ACTR1A: variants seen among roughly 807,000 people sequenced by gnomAD.
ACTR1A encodes actin related protein 1A.
A neutral mutation model predicts 50.7 loss-of-function variants in ACTR1A; 10 were observed. That is an observed-to-expected ratio of 0.20 (90% confidence interval 0.12 to 0.33). The LOEUF is 0.33. Among genes scored for constraint, ACTR1A ranks in the 10% least tolerant of loss-of-function variants. The pLI is 1.00. For missense variants in ACTR1A, 253 were observed against 491.7 expected (o/e 0.51, Z 4.59); for synonymous variants, 177 against 184.2 (o/e 0.96, Z 0.32).
At chr10:102,490,801 T>C (rs2062188431) in intron 1 of ACTR1A, among the ~76,000 whole-genome samples, 188 bp from the exon 2 acceptor site, 1 of 152,160 alleles carries the variant, frequency 6.6e-6, no homozygotes, top group African/African-American at 2.4e-5. Flanking sequence ...GAGACCAGCC[T>C]AGCCACCATG....
At chr10:102,487,233 T>C (rs1324268081) in intron 4 of ACTR1A, among the ~76,000 whole-genome samples, 1 of 152,124 alleles carries the variant, frequency 6.6e-6, no homozygotes, top group Non-Finnish European at 1.5e-5. Context: ...CTGGGCAACA[T>C]GGCAAAACCT....
chr10:102,479,393 C>A lies in ACTR1A; in HGVS notation c.*1470G>T. The stretch of plus-strand genomic sequence containing the variant: ...GCTACGTTGCTTTCACACATACCTG[C>A]TGCTGTGGCCCACACCTGGCAGGGG... On this transcript the variant is annotated 3_prime_UTR_variant, in exon 11 of 11. Coordinates refer to ENST00000369905, the MANE Select transcript of ACTR1A (RefSeq NM_005736.4). This position sits in a 1 kb window ranked among gnomAD's most constrained non-coding sequence, Gnocchi z 4.0. 2.7e-6 allele frequency: 1 copy of A among 369,898 alleles called. No homozygotes were observed. The highest frequency in any genetic ancestry group is 5.2e-6 in the Non-Finnish European group (1 of 190,992). 22.9% of individuals were successfully genotyped at this position (369,898 alleles called of 1,614,324 possible). A position where few individuals can be genotyped will look rare whatever the true frequency, so the allele number is the denominator to read the frequency against.
At position 102,489,075 on chromosome 10, in the gene ACTR1A, G is replaced by T. The variant is rs372177098; in HGVS notation, c.177C>A (p.Gly59=). 10 of 1,583,202 alleles carry T rather than the reference G, an allele frequency of 6.3e-6. No homozygotes were observed. In the African/African-American group the frequency reaches 1.4e-4, roughly 22 times the overall value. ...GCCTGGGAATTACCTCAGCTTTGGG[G>T]CCAATGAAGATGTCGCCTTCAAGGG... ...AGALEGDIFI[G]PKAEEHRGLL... Residue 59 remains glycine (G), a synonymous_variant, in exon 3 of 11, where the codon GGC becomes GGA. Coordinates refer to ENST00000369905, the MANE Select transcript of ACTR1A (RefSeq NM_005736.4).
In ACTR1A at chr10:102,488,322, G is replaced by T; in HGVS notation, c.190-47C>A. On this transcript the variant is annotated intron_variant, in intron 3 of 10. Transcript: ENST00000369905. The surrounding 1 kb of genome is among the most constrained non-coding windows in gnomAD (Gnocchi z 4.4). ...TACGACTGCAGTCAGGCTCCACCCA[G>T]GACCCTGTTCTCCCAAGACTAAGCA... The T allele has an allele frequency of 6.3e-7, 1 of 1,599,224 alleles. No homozygotes were observed. Among genetic ancestry groups the T allele is most frequent in the South Asian group, 1.1e-5 (1 of 90,778 alleles).
intron 1 of ACTR1A, among the ~76,000 whole-genome samples, chr10:102,501,346 T>G (rs1416894858): frequency 3.3e-5 from 5 of 152,140 alleles, no homozygotes; most frequent in Non-Finnish European, 7.3e-5. Context: ...GAGCTGAAGC[T>G]TAAACGAGAA....
rs539987386 is a variant in ACTR1A at position 102,497,413 on chromosome 10, A to G, written c.48+5187T>C. Reference sequence around the variant, plus strand: ...CACTCCCCTGCCAAACTTAAAATGCATATGCACATAAAATCATGGATGGAT... The same window carrying G: ...CACTCCCCTGCCAAACTTAAAATGCGTATGCACATAAAATCATGGATGGAT... On this transcript the variant is annotated intron_variant, in intron 1 of 10. Coordinates refer to ENST00000369905, the MANE Select transcript of ACTR1A (RefSeq NM_005736.4). Among the ~76,000 whole-genome samples the G allele has an allele frequency of 2.0e-4, 31 of 152,178 alleles. No homozygotes were observed. In the East Asian group the frequency reaches 5.0e-3, roughly 25 times the overall value.
intron 1 of ACTR1A, among the ~76,000 whole-genome samples, chr10:102,493,234 C>T (rs1323311764): frequency 6.6e-6 from 1 of 152,098 alleles, no homozygotes; most frequent in East Asian, 1.9e-4. Flanking sequence ...TGCCTACAAA[C>T]CCAAGGGCTC....
At chr10:102,502,226 G>A (rs945894172) in intron 1 of ACTR1A, among the ~76,000 whole-genome samples, 10 of 152,242 alleles carry the variant, frequency 6.6e-5, no homozygotes, top group Non-Finnish European at 1.2e-4. Context: ...GCCTCATCCG[G>A]CAAGGCTAAG....
intron 1 of ACTR1A, 89 bp downstream of exon 1, chr10:102,502,511 G>C: frequency 6.9e-7 from 1 of 1,454,836 alleles, no homozygotes; most frequent in Middle Eastern, 1.7e-4. Flanking sequence ...CAGTGACAAA[G>C]AGCCGGCGGC....
At position 102,488,014 on chromosome 10, in the gene ACTR1A, A is replaced by T; in HGVS notation, c.315+136T>A. The T allele has an allele frequency of 1.0e-6, 1 of 976,020 alleles. No individual in the cohort carries two copies. 60.5% of individuals were successfully genotyped at this position (976,020 alleles called of 1,614,324 possible). The stretch of plus-strand genomic sequence containing the variant: ...ATCTCATAGGAATGGTGTTAAGATT[A>T]AATCTGAATATGCCTGAAAATCAAA... On this transcript the variant is annotated intron_variant, in intron 4 of 10. Transcript: ENST00000369905. The surrounding 1 kb of genome is among the most constrained non-coding windows in gnomAD (Gnocchi z 4.4).
At chr10:102,492,582 C>T (rs1391010823) in intron 1 of ACTR1A, among the ~76,000 whole-genome samples, 1 of 152,218 alleles carries the variant, frequency 6.6e-6, no homozygotes, top group Non-Finnish European at 1.5e-5. Flanking sequence ...GCACCAAAGG[C>T]TTCCCAGCAA....
chr10:102,482,303 G>C lies in ACTR1A; in HGVS notation c.751-128C>G. 1.2e-6 allele frequency: 1 copy of C among 827,278 alleles called. No individual in the cohort carries two copies. Among genetic ancestry groups the C allele is most frequent in the South Asian group, 1.6e-5 (1 of 61,438 alleles). 51.2% of individuals were successfully genotyped at this position (827,278 alleles called of 1,614,324 possible). A position where few individuals can be genotyped will look rare whatever the true frequency, so the allele number is the denominator to read the frequency against. On this transcript the variant is annotated intron_variant, in intron 7 of 10. Transcript: ENST00000369905. The surrounding 1 kb of genome is among the most constrained non-coding windows in gnomAD (Gnocchi z 5.6). The stretch of plus-strand genomic sequence containing the variant: ...GGCTATGAAGGCCAGGCTCAAGACA[G>C]ACTCTACATGTCAAGGGCTTAAAGG...
chr10:102,500,104 T>C (rs892885963), intron 1 of ACTR1A, among the ~76,000 whole-genome samples: 3 of 152,244 alleles, frequency 2.0e-5, no homozygotes, highest in Non-Finnish European at 2.9e-5. Flanking sequence ...AAGGATTTAA[T>C]AGTCTAGTGA....
At chr10:102,489,271 T>A in intron 2 of ACTR1A, 133 bp from the exon 3 acceptor site, 1 of 488,326 alleles carries the variant, frequency 2.0e-6, no homozygotes, top group Admixed American at 4.1e-5. Flanking sequence ...TGATTTTGAT[T>A]TTCTTCTTTA....
chr10:102,482,254 C>T lies in ACTR1A; in HGVS notation c.751-79G>A. ...GGGAGTGGGAATGGAAGACGCCCCTCTGCACGTCACTTAGTAACTGGGTGG... is the reference window on the plus strand; with the variant it reads ...GGGAGTGGGAATGGAAGACGCCCCTTTGCACGTCACTTAGTAACTGGGTGG... On this transcript the variant is annotated intron_variant, in intron 7 of 10. Coordinates refer to ENST00000369905, the MANE Select transcript of ACTR1A (RefSeq NM_005736.4). This position sits in a 1 kb window ranked among gnomAD's most constrained non-coding sequence, Gnocchi z 5.6. 1 of 1,366,970 alleles carries T rather than the reference C, an allele frequency of 7.3e-7. No individual in the cohort carries two copies. The highest frequency in any genetic ancestry group is 1.2e-5 in the South Asian group (1 of 82,120). 84.7% of individuals were successfully genotyped at this position (1,366,970 alleles called of 1,614,324 possible).
chr10:102,480,501 TG>T lies in ACTR1A; in HGVS notation c.*361del. The T allele has an allele frequency of 7.1e-6, 2 of 281,982 alleles. No individual in the cohort carries two copies. The highest frequency in any genetic ancestry group is 8.6e-5 in the South Asian group (2 of 23,172). The allele number at this position is 281,982 out of a possible 1,614,324, so 17.5% of individuals were successfully genotyped here. ...AGGGTGGGGCCAGCCCAGCCTAGGA[TG>T]GTCAGCAGCAAGGTCTCCCGGGGGA... On this transcript the variant is annotated 3_prime_UTR_variant, in exon 11 of 11. Coordinates refer to ENST00000369905, the MANE Select transcript of ACTR1A (RefSeq NM_005736.4).
chr10:102,485,095 G>A (rs964087152), intron 5 of ACTR1A, among the ~76,000 whole-genome samples: 3 of 152,168 alleles, frequency 2.0e-5, no homozygotes, highest in Non-Finnish European at 4.4e-5. Flanking sequence ...TTTGTTAATG[G>A]GGTCAAATAA....
chr10:102,490,638 G>C (rs757538186), intron 1 of ACTR1A, 25 bp from the exon 2 acceptor site: 19 of 1,587,534 alleles, frequency 1.2e-5, no homozygotes, highest in Non-Finnish European at 1.6e-5. Flanking sequence ...GAGAGAATGA[G>C]GAGTCAGAAC....
At position 102,480,854 on chromosome 10, in the gene ACTR1A, G is replaced by C. The variant is rs771006217; in HGVS notation, c.*9C>G. 7 of 1,602,986 alleles carry C rather than the reference G, an allele frequency of 4.4e-6. No individual in the cohort carries two copies. The East Asian group carries it at 1.1e-4, about 26-fold the overall frequency. ...AACTTCAGAGAGAGGTGAAGATGATGTCCCGACATTAGAAGGTTTTTCTGT... is the reference window on the plus strand; with the variant it reads ...AACTTCAGAGAGAGGTGAAGATGATCTCCCGACATTAGAAGGTTTTTCTGT... On this transcript the variant is annotated 3_prime_UTR_variant, in exon 11 of 11. Coordinates refer to ENST00000369905, the MANE Select transcript of ACTR1A (RefSeq NM_005736.4).
Sources: gnomAD v4.1 joint callset for allele counts (sites outside exome capture counted in the v4.1 genomes callset) on GRCh38, gnomAD v4.1.1 for gene constraint, Gnocchi (gnomAD v3.1) non-coding constraint, MANE v1.5 for transcripts, NCBI Gene and HGNC (gene_info 2026-07-23, HGNC 2026-07-21) for gene names.